The following USH1C variants were observed in gnomAD, a reference collection of about 807,000 sequenced individuals.
The protein encoded by USH1C is harmonin.
USH1C carries 90 observed loss-of-function variants against 119.3 expected under a neutral mutation model. The ratio of observed to expected loss-of-function variants is 0.75; its 90% confidence interval spans 0.64 to 0.90. USH1C has a LOEUF of 0.90. Among genes scored for constraint, USH1C ranks in the 40% least tolerant of loss-of-function variants. USH1C has a pLI of 0.00. For synonymous variants in USH1C, 465 were observed against 443.3 expected, an observed-to-expected ratio of 1.05 and a Z score of -0.62; for missense variants, 1,165 against 1,167.7, an observed-to-expected ratio of 1.00 and a Z score of 0.03.
At chr11:17,499,223 A>G (rs759570958) in intron 23 of USH1C, among the ~76,000 whole-genome samples, 3 of 152,214 alleles carry the variant, frequency 2.0e-5, no homozygotes, top group Non-Finnish European at 2.9e-5. Flanking sequence ...TCCAGGTTAC[A>G]TTGAAATAGA....
At chr11:17,494,701 C>T (rs532969887) in intron 26 of USH1C, 11 of 420,284 alleles carry the variant, frequency 2.6e-5, no homozygotes, top group Middle Eastern at 7.2e-4. Flanking sequence ...ATGGTCTACC[C>T]GGCCAAGTGT....
At chr11:17,499,602 T>A (rs923367043) in intron 23 of USH1C, among the ~76,000 whole-genome samples, 11 of 152,002 alleles carry the variant, frequency 7.2e-5, no homozygotes, top group African/African-American at 2.7e-4. Flanking sequence ...GACAGAGAAA[T>A]GAAGACAGAA....
chr11:17,541,758 T>A (rs577940678), intron 1 of USH1C, among the ~76,000 whole-genome samples: 1 of 152,358 alleles, frequency 6.6e-6, no homozygotes, highest in Non-Finnish European at 1.5e-5. Flanking sequence ...GCCTGGAGCC[T>A]GTTGGCTCCC....
In USH1C at chr11:17,544,372, C is replaced by T; in HGVS notation, c.-65G>A. The T allele has an allele frequency of 1.2e-6, 2 of 1,611,310 alleles. No individual in the cohort carries two copies. The highest frequency in any genetic ancestry group is 2.2e-5 in the South Asian group (2 of 90,916). On this transcript the variant is annotated 5_prime_UTR_variant, in exon 1 of 27. Coordinates refer to ENST00000005226, the MANE Select transcript of USH1C (RefSeq NM_153676.4). ...CCTTCGGGTGCCCGGCTGCCAGGAG[C>T]TGGAAAGAGCCGCGACCGCGACCGG...
intron 17 of USH1C, among the ~76,000 whole-genome samples, 185 bp downstream of exon 17, chr11:17,510,220 C>T (rs1367955774): frequency 6.6e-6 from 1 of 152,010 alleles, no homozygotes; most frequent in Non-Finnish European, 1.5e-5. Flanking sequence ...GGGAGTATAC[C>T]CAGAAATACA....
At chr11:17,523,313 C>A (rs754244899) in intron 10 of USH1C, 46 bp from the exon 11 acceptor site, 1 of 1,614,014 alleles carries the variant, frequency 6.2e-7, no homozygotes, top group Admixed American at 1.7e-5. Flanking sequence ...CAGACCACAG[C>A]AGTCCAGGCA....
intron 6 of USH1C, 25 bp from the exon 7 acceptor site, chr11:17,526,835 G>C: frequency 6.2e-7 from 1 of 1,608,824 alleles, no homozygotes; most frequent in Non-Finnish European, 8.5e-7. Flanking sequence ...AAATAGATGG[G>C]AGGGTGGTTA....
intron 1 of USH1C, among the ~76,000 whole-genome samples, chr11:17,538,799 T>C (rs1179287914): frequency 1.3e-5 from 2 of 152,086 alleles, no homozygotes; most frequent in African/African-American, 4.8e-5. Context: ...TCCTAGTCCC[T>C]GGGGGCTGGC....
In USH1C at chr11:17,509,954, C is replaced by G. The variant is rs1314199133; in HGVS notation, c.1531-116G>C. On this transcript the variant is annotated intron_variant, in intron 17 of 26. Transcript: ENST00000005226. ...TCTCTTGCTACTGGAGACCCACCAC[C>G]CTTACATCAGAACCATGGGGCGCCA... 3.9e-6 allele frequency: 5 copies of G among 1,274,890 alleles called. No individual in the cohort carries two copies. The Admixed American group carries it at 9.4e-5, about 24-fold the overall frequency. 79.0% of individuals were successfully genotyped at this position (1,274,890 alleles called of 1,614,324 possible). A position where few individuals can be genotyped will look rare whatever the true frequency, so the allele number is the denominator to read the frequency against.
intron 18 of USH1C, among the ~76,000 whole-genome samples, chr11:17,507,626 G>A (rs1035420831): frequency 2.0e-5 from 3 of 152,212 alleles, no homozygotes; most frequent in African/African-American, 7.2e-5. Flanking sequence ...TAACTTATTT[G>A]ATTCGAATAG....
chr11:17,510,408 T>G lies in USH1C; in HGVS notation c.1527A>C (p.Ser509=). 6.2e-7 allele frequency: 1 copy of G among 1,611,264 alleles called. No homozygotes were observed. The highest frequency in any genetic ancestry group is 8.5e-7 in the Non-Finnish European group (1 of 1,179,102). Residue 509 remains serine, a synonymous_variant, in exon 17 of 27, where the codon TCA becomes TCC. Coordinates refer to ENST00000005226, the MANE Select transcript of USH1C (RefSeq NM_153676.4). Reference sequence around the variant, plus strand: ...GTGGAAAGAAGGGCTCTGTTACCTCTGAAATCTCATTATCAGCAGAGGAAA... The same window carrying G: ...GTGGAAAGAAGGGCTCTGTTACCTCGGAAATCTCATTATCAGCAGAGGAAA... ...EQISSADNEI[S]EMTTGPPPPP...
chr11:17,507,285 C>T (rs1345964667), intron 18 of USH1C, among the ~76,000 whole-genome samples: 3 of 152,178 alleles, frequency 2.0e-5, no homozygotes, highest in African/African-American at 7.2e-5. Flanking sequence ...GCTGGGACAA[C>T]CCTGGCTTTG....
chr11:17,539,006 A>C (rs942395546), intron 1 of USH1C, among the ~76,000 whole-genome samples: 1 of 152,154 alleles, frequency 6.6e-6, no homozygotes, highest in African/African-American at 2.4e-5. Flanking sequence ...GAACCTGTTC[A>C]TAAAGCTTTC....
Position 17,527,285 on chromosome 11 carries a change from C to G in USH1C, c.434G>C (p.Cys145Ser). 2 of 1,612,752 alleles carry G rather than the reference C, an allele frequency of 1.2e-6. No homozygotes were observed. Among genetic ancestry groups the G allele is most frequent in the Non-Finnish European group, 1.7e-6 (2 of 1,179,726 alleles). ...GAGGTTGATGACCTCCTCATGGGTACAGGAGGAGATGGAATATCCATTGAT... is the reference window on the plus strand; with the variant it reads ...GAGGTTGATGACCTCCTCATGGGTAGAGGAGGAGATGGAATATCCATTGAT... Reference protein sequence around the residue: ...VRINGYSISSCTHEEVINLIR... With the variant: ...VRINGYSISSSTHEEVINLIR... Residue 145 changes from cysteine to serine, a missense_variant, in exon 5 of 27, where the codon TGT (cysteine) becomes TCT (serine). Cys to Ser is a moderately radical substitution (Grantham distance 112). Coordinates refer to ENST00000005226, the MANE Select transcript of USH1C (RefSeq NM_153676.4).
At chr11:17,505,218 G>T (rs1457887764) in intron 19 of USH1C, among the ~76,000 whole-genome samples, 1 of 152,266 alleles carries the variant, frequency 6.6e-6, no homozygotes. Context: ...CACAGTGAGA[G>T]GTGAGAAGTA....
intron 1 of USH1C, chr11:17,533,804 C>T (rs1851108632): frequency 2.2e-6 from 1 of 455,908 alleles, no homozygotes; most frequent in African/African-American, 2.0e-5. Flanking sequence ...CTCCAGAAGC[C>T]CCTTACCACC....
intron 15 of USH1C, among the ~76,000 whole-genome samples, chr11:17,512,843 T>TAA (rs1318107684): frequency 6.6e-6 from 1 of 152,048 alleles, no homozygotes; most frequent in East Asian, 1.9e-4. Flanking sequence ...ACCATCAGGG[T>TAA]TCTAGAGGAT....
intron 14 of USH1C, chr11:17,516,731 C>T: frequency 3.4e-6 from 1 of 294,472 alleles, no homozygotes; most frequent in South Asian, 3.7e-5. Flanking sequence ...TGGGTGTCTG[C>T]CTAGAACTGT....
chr11:17,510,037 C>G (rs1193690536), intron 17 of USH1C, among the ~76,000 whole-genome samples, 199 bp from the exon 18 acceptor site: 1 of 152,130 alleles, frequency 6.6e-6, no homozygotes, highest in Non-Finnish European at 1.5e-5. Context: ...TAGGGAGTGC[C>G]CAAATGCAGA....
Sources: gnomAD v4.1 joint callset for allele counts (sites outside exome capture counted in the v4.1 genomes callset) on GRCh38, gnomAD v4.1.1 for gene constraint, MANE v1.5 for transcripts, NCBI Gene and HGNC (gene_info 2026-07-23, HGNC 2026-07-21) for gene names.